The following SMYD3 variants were observed in gnomAD, a reference collection of about 807,000 sequenced individuals.
SMYD3 encodes the protein histone-lysine N-methyltransferase SMYD3.
In SMYD3, 36 loss-of-function variants were observed where a neutral mutation model predicts 57.7. The observed-to-expected ratio is 0.62, with a 90% CI of 0.48 to 0.82. The LOEUF (loss-of-function observed/expected upper bound fraction) is 0.82, where lower values mean the gene tolerates loss of function less well. SMYD3 is among the 40% of genes least tolerant of loss of function. The pLI, the probability that SMYD3 is intolerant of heterozygous loss-of-function variation, is 0.00. For missense variants in SMYD3, 515 were observed against 538.8 expected (o/e 0.96, Z 0.44); for synonymous variants, 211 against 195.0 (o/e 1.08, Z -0.68).
chr1:246,052,320 C>T (rs1406531554), intron 5 of SMYD3, among the ~76,000 whole-genome samples: 1 of 152,052 alleles, frequency 6.6e-6, no homozygotes, highest in Admixed American at 6.6e-5. Flanking sequence ...ATCAATGGGA[C>T]GGCATGTGAT....
chr1:246,330,462 T>G lies in SMYD3; in HGVS notation c.394+18A>C. On this transcript the variant is annotated intron_variant, in intron 4 of 11. Coordinates refer to ENST00000490107, the MANE Select transcript of SMYD3 (RefSeq NM_001167740.2). The stretch of plus-strand genomic sequence containing the variant: ...AATTATAGAAACTTTTTTAAGATGC[T>G]GATAGACAATCACTTACTTGACTCC... The G allele has an allele frequency of 1.3e-6, 2 of 1,556,306 alleles. No homozygotes were observed. Among genetic ancestry groups the G allele is most frequent in the Non-Finnish European group, 1.7e-6 (2 of 1,155,114 alleles).
At chr1:245,774,945 C>T (rs920742797) in intron 10 of SMYD3, among the ~76,000 whole-genome samples, 1 of 152,146 alleles carries the variant, frequency 6.6e-6, no homozygotes, top group Non-Finnish European at 1.5e-5. Flanking sequence ...GCGAGTGATC[C>T]GCCAGCCTCG....
Position 245,842,944 on chromosome 1 carries a change from C to T in SMYD3, c.1076+15552G>A, listed in dbSNP as rs574290439. ...CAGGTTGATCTCAAACTTCTTGCCTCGAGGGATCCTCCCACTTTGGCCTCC... is the reference window on the plus strand; with the variant it reads ...CAGGTTGATCTCAAACTTCTTGCCTTGAGGGATCCTCCCACTTTGGCCTCC... On this transcript the variant is annotated intron_variant, in intron 10 of 11. Transcript: ENST00000490107. Among the ~76,000 whole-genome samples the T allele has an allele frequency of 1.8e-4, 28 of 152,266 alleles. No homozygotes were observed. In the South Asian group the frequency reaches 2.5e-3, roughly 14 times the overall value.
chr1:245,845,925 C>T (rs1558414756), intron 10 of SMYD3, among the ~76,000 whole-genome samples: 1 of 152,258 alleles, frequency 6.6e-6, no homozygotes, highest in African/African-American at 2.4e-5. Flanking sequence ...CATTTCAAAC[C>T]TGCATTTTTG....
intron 5 of SMYD3, among the ~76,000 whole-genome samples, chr1:246,281,081 T>C (rs1331983210): frequency 6.6e-6 from 1 of 152,208 alleles, no homozygotes; most frequent in Non-Finnish European, 1.5e-5. Flanking sequence ...GAAATAAAGA[T>C]TTTTCTAATC....
chr1:246,415,770 A>G (rs2067052181), intron 1 of SMYD3, among the ~76,000 whole-genome samples: 1 of 152,192 alleles, frequency 6.6e-6, no homozygotes, highest in Admixed American at 6.6e-5. Context: ...TTTCATTTAG[A>G]GAAAAAAGGT....
At chr1:245,760,830 G>A (rs1378911706) in intron 11 of SMYD3, among the ~76,000 whole-genome samples, 3 of 152,150 alleles carry the variant, frequency 2.0e-5, no homozygotes, top group Non-Finnish European at 4.4e-5. Flanking sequence ...ACCAGCTAGT[G>A]GGAGAGTGAT....
chr1:246,086,971 T>C (rs534953446), intron 5 of SMYD3, among the ~76,000 whole-genome samples: 70 of 152,312 alleles, frequency 4.6e-4, no homozygotes, highest in African/African-American at 1.6e-3. Flanking sequence ...AGTGAGAACA[T>C]GCGGTGTTTG....
intron 10 of SMYD3, among the ~76,000 whole-genome samples, chr1:245,839,889 T>A (rs2050315218): frequency 2.0e-5 from 3 of 152,110 alleles, no homozygotes. Context: ...AAGAAGATGC[T>A]GCATCCACAA....
rs138395619 is a variant in SMYD3, at chr1:245,957,723, C to T, written c.532-27786G>A. Among the ~76,000 whole-genome samples the T allele has an allele frequency of 5.9e-3, 895 of 152,304 alleles. 8 individuals carry two copies. Among genetic ancestry groups the T allele is most frequent in the African/African-American group, 0.02 (824 of 41,568 alleles). ...ATACGTCAACCAAATTAAATAGCTT[C>T]CCTGACCTTTTGTCTACTTTCTTTG... On this transcript the variant is annotated intron_variant, in intron 5 of 11. Coordinates refer to ENST00000490107, the MANE Select transcript of SMYD3 (RefSeq NM_001167740.2).
chr1:246,033,778 C>G (rs1274687232), intron 5 of SMYD3, among the ~76,000 whole-genome samples: 1 of 152,044 alleles, frequency 6.6e-6, no homozygotes, highest in African/African-American at 2.4e-5. Flanking sequence ...CAGAGTGAGA[C>G]TCTGCCTCAA....
chr1:246,200,787 T>C (rs151332313), intron 5 of SMYD3, among the ~76,000 whole-genome samples: 1 of 152,356 alleles, frequency 6.6e-6, no homozygotes, highest in African/African-American at 2.4e-5. Context: ...ACGTGGGTAT[T>C]ATCAACCCCA....
intron 5 of SMYD3, among the ~76,000 whole-genome samples, chr1:246,164,647 G>A (rs6426283): frequency 0.032 from 4,872 of 152,224 alleles, 271 homozygotes; most frequent in African/African-American, 0.11. Flanking sequence ...GATCATTTTG[G>A]GTGAGCCACT....
intron 8 of SMYD3, among the ~76,000 whole-genome samples, chr1:245,884,014 G>T (rs4654156): frequency 0.4 from 60,982 of 151,964 alleles, 15,488 homozygotes; most frequent in East Asian, 0.75. Context: ...ATTTATACAG[G>T]GATATCCAGG....
chr1:246,398,450 T>C (rs1487785318), intron 1 of SMYD3, among the ~76,000 whole-genome samples: 4 of 152,238 alleles, frequency 2.6e-5, no homozygotes, highest in African/African-American at 9.6e-5. Flanking sequence ...GCTGGTTTCA[T>C]AGATGAGAAT....
intron 5 of SMYD3, among the ~76,000 whole-genome samples, chr1:246,137,362 T>C (rs1427277259): frequency 1.3e-5 from 2 of 152,190 alleles, no homozygotes; most frequent in Non-Finnish European, 2.9e-5. Context: ...AAGGACAATA[T>C]AAGGGTATCT....
intron 5 of SMYD3, among the ~76,000 whole-genome samples, chr1:246,249,357 G>A (rs904552217): frequency 2.0e-5 from 3 of 152,036 alleles, no homozygotes; most frequent in South Asian, 4.2e-4. Flanking sequence ...GCCCACCTCA[G>A]CCTCCCAAAG....
In SMYD3 at chr1:245,761,462, C is replaced by G. The variant is rs193078267; in HGVS notation, c.1185+2579G>C. 7.2e-5 allele frequency among the ~76,000 whole-genome samples: 11 copies of G among 152,270 alleles called. No individual in the cohort carries two copies. The East Asian group carries it at 2.1e-3, about 29-fold the overall frequency. On this transcript the variant is annotated intron_variant, in intron 11 of 11. Coordinates refer to ENST00000490107, the MANE Select transcript of SMYD3 (RefSeq NM_001167740.2). Reference sequence around the variant, plus strand: ...ATCCTGAAAATCCATAGCGAGATGTCTGTCTGGGTTTGTTCAGGCTTGTCC... The same window carrying G: ...ATCCTGAAAATCCATAGCGAGATGTGTGTCTGGGTTTGTTCAGGCTTGTCC...
intron 1 of SMYD3, among the ~76,000 whole-genome samples, chr1:246,363,674 G>A (rs2066048249): frequency 6.6e-6 from 1 of 152,152 alleles, no homozygotes; most frequent in Non-Finnish European, 1.5e-5. Flanking sequence ...GGGTTGAATG[G>A]ATTAAGGGCT....
Sources: gnomAD v4.1 joint callset for allele counts (sites outside exome capture counted in the v4.1 genomes callset) on GRCh38, gnomAD v4.1.1 for gene constraint, MANE v1.5 for transcripts, NCBI Gene and HGNC (gene_info 2026-07-23, HGNC 2026-07-21) for gene names.